Variants in B3GALNT2 observed in about 807,000 individuals in gnomAD.
B3GALNT2 encodes the protein UDP-GalNAc:beta-1,3-N-acetylgalactosaminyltransferase 2.
A neutral mutation model predicts 61.1 loss-of-function variants in B3GALNT2; 53 were observed. The observed-to-expected ratio is 0.87, with a 90% CI of 0.70 to 1.09. The LOEUF is 1.09. Ranked by LOEUF, B3GALNT2 falls within the 50% of genes least tolerant of loss-of-function variation. The pLI, the probability that B3GALNT2 is intolerant of heterozygous loss-of-function variation, is 0.00. For synonymous variants in B3GALNT2, 223 were observed against 237.4 expected, an observed-to-expected ratio of 0.94 and a Z score of 0.56; for missense variants, 544 against 623.0, an observed-to-expected ratio of 0.87 and a Z score of 1.35.
chr1:235,486,856 G>A (rs770103100), intron 3 of B3GALNT2, among the ~76,000 whole-genome samples: 27 of 152,240 alleles, frequency 1.8e-4, no homozygotes, highest in Admixed American at 6.5e-4. Context: ...AACATTCTAT[G>A]GGGTTTATGA....
intron 7 of B3GALNT2, among the ~76,000 whole-genome samples, chr1:235,461,994 A>G (rs1683457161): frequency 6.6e-6 from 1 of 152,208 alleles, no homozygotes; most frequent in Admixed American, 6.5e-5. Flanking sequence ...ATTTTGCCCA[A>G]CTGTGGGCTA....
intron 6 of B3GALNT2, among the ~76,000 whole-genome samples, chr1:235,468,450 C>CTTTTTT (rs58494716): frequency 2.3e-5 from 2 of 87,388 alleles, no homozygotes; most frequent in Admixed American, 1.4e-4. Flanking sequence ...AGAAACCTAC[C>CTTTTTT]TTTTTTTTTT....
At chr1:235,468,298 G>T (rs998461001) in intron 6 of B3GALNT2, among the ~76,000 whole-genome samples, 2 of 152,036 alleles carry the variant, frequency 1.3e-5, no homozygotes, top group Non-Finnish European at 2.9e-5. Flanking sequence ...GTTTCTTAGC[G>T]TAGGCTTTAA....
At chr1:235,460,163 G>C (rs1468324713) in intron 7 of B3GALNT2, among the ~76,000 whole-genome samples, 1 of 151,502 alleles carries the variant, frequency 6.6e-6, no homozygotes, top group Non-Finnish European at 1.5e-5. Context: ...GCACAGACTG[G>C]AGTACAATGG....
chr1:235,480,256 C>A, intron 4 of B3GALNT2, 107 bp from the exon 5 acceptor site: 2 of 1,478,308 alleles, frequency 1.4e-6, no homozygotes, highest in Non-Finnish European at 1.8e-6. Context: ...CCACAATGGC[C>A]CTAACCACGG....
At chr1:235,468,188 T>G (rs1330806934) in intron 6 of B3GALNT2, among the ~76,000 whole-genome samples, 1 of 152,232 alleles carries the variant, frequency 6.6e-6, no homozygotes, top group Non-Finnish European at 1.5e-5. Flanking sequence ...GCTTTTTGCC[T>G]TTAAAATTTT....
chr1:235,443,967 A>C (rs1473178393), downstream of B3GALNT2, among the ~76,000 whole-genome samples: 2 of 152,230 alleles, frequency 1.3e-5, no homozygotes, highest in African/African-American at 4.8e-5. Flanking sequence ...TCAAGATTAA[A>C]CTTGATTCAT....
rs181545221 is a variant in B3GALNT2 at position 235,484,771 on chromosome 1, A to G, written c.362-256T>C. ...ACTGCTTTAATAGCTTTTTGCATAA[A>G]TGTGTGCATATATATGTATAAACGC... On this transcript the variant is annotated intron_variant, in intron 3 of 11. Coordinates refer to ENST00000366600, the MANE Select transcript of B3GALNT2 (RefSeq NM_152490.5). The G allele has an allele frequency of 2.5e-4, 129 of 510,114 alleles. 1 individual carries two copies. In the East Asian group the frequency reaches 3.8e-3, roughly 15 times the overall value. The allele number at this position is 510,114 out of a possible 1,614,324, so 31.6% of individuals were successfully genotyped here.
In B3GALNT2 at chr1:235,455,683, T is replaced by C. The variant is rs1683133637; in HGVS notation, c.1027A>G (p.Thr343Ala). The C allele has an allele frequency of 1.2e-6, 2 of 1,608,392 alleles. No homozygotes were observed. The highest frequency in any genetic ancestry group is 1.1e-5 in the South Asian group (1 of 90,928). The change falls in exon 9 of 12, where the codon ACT becomes GCT. Residue 343 changes from threonine to alanine, a missense_variant and splice_region_variant. Physicochemically the swap from Thr to Ala is moderately conservative, Grantham distance 58. Transcript: ENST00000366600. ...PAKLLNFYRW[T>A]VETTSFNLLL... ...AAATTGAAGCTCGTTGTTTCCACAG[T>C]CCTGTTGACACAAAAGGGATAAGAA...
At chr1:235,485,503 C>G (rs1052919942) in intron 3 of B3GALNT2, among the ~76,000 whole-genome samples, 44 of 152,104 alleles carry the variant, frequency 2.9e-4, no homozygotes, top group African/African-American at 9.9e-4. Context: ...ATGGGGGTCT[C>G]ATCATGTTAC....
At chr1:235,465,464 C>T (rs918216943) in intron 7 of B3GALNT2, 172 bp downstream of exon 7, 13 of 1,019,454 alleles carry the variant, frequency 1.3e-5, no homozygotes, top group African/African-American at 1.1e-4. Flanking sequence ...GAGGTGGAGC[C>T]GGTTGTAGAA....
intron 7 of B3GALNT2, among the ~76,000 whole-genome samples, chr1:235,462,657 AAAG>A (rs1022501541): frequency 3.9e-5 from 6 of 152,262 alleles, no homozygotes; most frequent in African/African-American, 1.4e-4. Context: ...TAATTTAACA[AAAG>A]AAGTGCAAGA....
intron 4 of B3GALNT2, among the ~76,000 whole-genome samples, chr1:235,481,148 A>G (rs1250873193): frequency 1.3e-5 from 2 of 152,106 alleles, no homozygotes; most frequent in African/African-American, 4.8e-5. Flanking sequence ...ACCAGTTCTT[A>G]GCAATGCAGT....
intron 7 of B3GALNT2, chr1:235,464,020 C>T (rs148618655): frequency 6.6e-6 from 1 of 152,318 alleles, no homozygotes; most frequent in Admixed American, 6.5e-5. Flanking sequence ...GGTGCTGGGA[C>T]AACTGGATAT....
At chr1:235,466,863 C>A (rs762513019) in intron 6 of B3GALNT2, among the ~76,000 whole-genome samples, 5 of 152,108 alleles carry the variant, frequency 3.3e-5, no homozygotes, top group Non-Finnish European at 5.9e-5. Context: ...CTGTTGTGGG[C>A]TAGATCAGAC....
At position 235,448,392 on chromosome 1, in the gene B3GALNT2, T is replaced by C. The variant is rs1300908731; in HGVS notation, c.*1814A>G. On this transcript the variant is annotated 3_prime_UTR_variant, in exon 12 of 12. Coordinates refer to ENST00000366600, the MANE Select transcript of B3GALNT2 (RefSeq NM_152490.5). ...AGGTGAAGGGATTGCTGTCACGTCT[T>C]CTCAAAGTTCCTGTGTCAGACCTTC... The C allele has an allele frequency of 1.2e-6, 2 of 1,613,986 alleles. No individual in the cohort carries two copies. Among genetic ancestry groups the C allele is most frequent in the Non-Finnish European group, 1.7e-6 (2 of 1,179,988 alleles).
At position 235,504,392 on chromosome 1, in the gene B3GALNT2, G is replaced by T. The variant is rs1055981402; in HGVS notation, c.-140C>A. ...CCCTCGCGCTCGGCGACGTCTGGGG[G>T]GCTCCTCGCAGCTCCCGGCCCCGCT... On this transcript the variant is annotated 5_prime_UTR_variant, in exon 1 of 12. Transcript: ENST00000366600. 17 of 915,724 alleles carry T rather than the reference G, an allele frequency of 1.9e-5. No homozygotes were observed. The East Asian group carries it at 5.4e-4, about 29-fold the overall frequency. The allele number at this position is 915,724 out of a possible 1,614,324, so 56.7% of individuals were successfully genotyped here.
chr1:235,494,962 A>C (rs1685248963), intron 1 of B3GALNT2, 134 bp from the exon 2 acceptor site: 1 of 950,066 alleles, frequency 1.1e-6, no homozygotes, highest in South Asian at 1.9e-5. Context: ...AAGAATTTTT[A>C]AATCACATAT....
Position 235,489,041 on chromosome 1 carries a change from C to A in B3GALNT2, c.361+127G>T, listed in dbSNP as rs548828969. 1.1e-3 allele frequency: 1,344 copies of A among 1,266,596 alleles called. 1 individual carries two copies. The highest frequency in any genetic ancestry group is 1.3e-3 in the Non-Finnish European group (1,222 of 962,490). 78.5% of individuals were successfully genotyped at this position (1,266,596 alleles called of 1,614,324 possible). A position where few individuals can be genotyped will look rare whatever the true frequency, so the allele number is the denominator to read the frequency against. On this transcript the variant is annotated intron_variant, in intron 3 of 11. Coordinates refer to ENST00000366600, the MANE Select transcript of B3GALNT2 (RefSeq NM_152490.5). ...CGCCAGCCTAGGCGACAGAGCAAGA[C>A]CCTGTCTCTAAAACACATAATAAAA...
Sources: gnomAD v4.1 joint callset for allele counts (sites outside exome capture counted in the v4.1 genomes callset) on GRCh38, gnomAD v4.1.1 for gene constraint, MANE v1.5 for transcripts, NCBI Gene and HGNC (gene_info 2026-07-23, HGNC 2026-07-21) for gene names.